The following CDC20B variants were observed in gnomAD, a reference collection of about 807,000 sequenced individuals.
The protein encoded by CDC20B is cell division cycle protein 20 homolog B.
A neutral mutation model predicts 64.1 loss-of-function variants in CDC20B; 58 were observed. The observed-to-expected ratio is 0.90, with a 90% CI of 0.73 to 1.13. CDC20B has a LOEUF of 1.13. CDC20B is among the 50% of genes most tolerant of loss of function. The pLI, the probability that CDC20B is intolerant of heterozygous loss-of-function variation, is 0.00. For synonymous variants in CDC20B, 243 were observed against 230.6 expected, an observed-to-expected ratio of 1.05 and a Z score of -0.49; for missense variants, 597 against 633.0, an observed-to-expected ratio of 0.94 and a Z score of 0.61.
intron 2 of CDC20B, among the ~76,000 whole-genome samples, chr5:55,151,431 A>G (rs1252268668): frequency 6.6e-6 from 1 of 152,200 alleles, no homozygotes; most frequent in Non-Finnish European, 1.5e-5. Flanking sequence ...TGGAAGATAA[A>G]CTTAGTTTGC....
intron 2 of CDC20B, among the ~76,000 whole-genome samples, chr5:55,162,943 C>G (rs1356146560): frequency 6.6e-6 from 1 of 152,160 alleles, no homozygotes; most frequent in Non-Finnish European, 1.5e-5. Context: ...AATCCTGGCT[C>G]AACCACTCAT....
chr5:55,149,097 T>C (rs573939010), intron 2 of CDC20B, among the ~76,000 whole-genome samples: 16 of 152,296 alleles, frequency 1.1e-4, no homozygotes, highest in South Asian at 2.1e-4. Context: ...AGGACATCTC[T>C]AAGAGGGACT....
chr5:55,137,464 G>A, intron 5 of CDC20B: 2 of 445,456 alleles, frequency 4.5e-6, no homozygotes, highest in Non-Finnish European at 9.1e-6. Context: ...TTGTCCCCGT[G>A]ATCCACTGAT....
At chr5:55,163,025 T>A (rs1744172508) in intron 2 of CDC20B, among the ~76,000 whole-genome samples, 1 of 152,092 alleles carries the variant, frequency 6.6e-6, no homozygotes, top group Non-Finnish European at 1.5e-5. Context: ...AATACCCACC[T>A]CATAGGGTCC....
intron 2 of CDC20B, among the ~76,000 whole-genome samples, chr5:55,153,531 ACTAGTAATAAATTTG>A (rs1743730248): frequency 6.6e-6 from 1 of 152,220 alleles, no homozygotes. Context: ...GAAGCAAGTA[ACTAGTAATAAATTTG>A]CTGCCAGTGT....
chr5:55,145,831 TCTTA>T (rs959456327), intron 3 of CDC20B, among the ~76,000 whole-genome samples: 1 of 151,716 alleles, frequency 6.6e-6, no homozygotes, highest in Non-Finnish European at 1.5e-5. Context: ...GCTTCCTTCC[TCTTA>T]CTTTCTCTTC....
At chr5:55,168,026 G>A (rs1335389353) in intron 2 of CDC20B, among the ~76,000 whole-genome samples, 3 of 152,028 alleles carry the variant, frequency 2.0e-5, no homozygotes, top group Admixed American at 6.6e-5. Context: ...AAAGAAAAAT[G>A]ACATGTTTGG....
intron 4 of CDC20B, among the ~76,000 whole-genome samples, 199 bp downstream of exon 4, chr5:55,143,314 T>G (rs1255500000): frequency 6.6e-6 from 1 of 152,192 alleles, no homozygotes; most frequent in African/African-American, 2.4e-5. Context: ...ACTCAACATT[T>G]TCTCATATAT....
At chr5:55,168,381 A>C (rs1744485393) in intron 2 of CDC20B, among the ~76,000 whole-genome samples, 1 of 150,258 alleles carries the variant, frequency 6.7e-6, no homozygotes, top group African/African-American at 2.4e-5. Flanking sequence ...CATCAGCAGA[A>C]CCTCCCTCCT....
intron 5 of CDC20B, among the ~76,000 whole-genome samples, chr5:55,134,350 G>C (rs553908214): frequency 6.6e-6 from 1 of 152,000 alleles, no homozygotes; most frequent in East Asian, 1.9e-4. Flanking sequence ...TCCTGCTTCC[G>C]TGTTAGCTAT....
chr5:55,128,718 C>G (rs1431846245), intron 6 of CDC20B, 101 bp from the exon 7 acceptor site: 1 of 790,972 alleles, frequency 1.3e-6, no homozygotes, highest in Non-Finnish European at 1.8e-6. Flanking sequence ...AATACCATCC[C>G]CATGGTTAGC....
Position 55,159,185 on chromosome 5 carries a change from TA to T in CDC20B, c.127-12330del, listed in dbSNP as rs1435197698. Among the ~76,000 whole-genome samples, 7 of 152,210 alleles carry T rather than the reference TA, an allele frequency of 4.6e-5. No homozygotes were observed. The East Asian group carries it at 1.4e-3, about 29-fold the overall frequency. On this transcript the variant is annotated intron_variant, in intron 2 of 11. Transcript: ENST00000381375. Reference sequence around the variant, plus strand: ...CCATGCACCACCACAACCAGCTAATTAAAATTCTTTTTTAGAGACAGGGGTA... The same window carrying T: ...CCATGCACCACCACAACCAGCTAATTAAATTCTTTTTTAGAGACAGGGGTA...
intron 6 of CDC20B, among the ~76,000 whole-genome samples, chr5:55,131,868 T>C (rs942942514): frequency 5.3e-5 from 8 of 151,980 alleles, no homozygotes; most frequent in Admixed American, 1.3e-4. Context: ...AGTTCGAGAC[T>C]AGCCTGGCCA....
At chr5:55,162,264 T>C (rs1744115238) in intron 2 of CDC20B, among the ~76,000 whole-genome samples, 1 of 151,950 alleles carries the variant, frequency 6.6e-6, no homozygotes, top group African/African-American at 2.4e-5. Context: ...GGTGTGGTGG[T>C]GGGCACCTGT....
chr5:55,129,383 CG>C (rs1012090643), intron 6 of CDC20B, among the ~76,000 whole-genome samples: 31 of 152,106 alleles, frequency 2.0e-4, no homozygotes, highest in Non-Finnish European at 3.1e-4. Flanking sequence ...AGCAAACTGG[CG>C]GGGGGTAAGT....
chr5:55,120,488 T>C lies in CDC20B; in HGVS notation c.1278A>G (p.Gly426=), dbSNP rs1742731031. The part of the protein sequence containing the change: ...VLAIGGGMKD[G]RLHILDINAG... ...CATTTATATCCAAGATGTGTAAGCG[T>C]CCATCCTTCATTCCTCCTCCAATGG... Residue 426 remains glycine, a synonymous_variant, in exon 10 of 12, where the codon GGA becomes GGG. Coordinates refer to ENST00000381375, the MANE Select transcript of CDC20B (RefSeq NM_001170402.1). 6.2e-7 allele frequency: 1 copy of C among 1,613,838 alleles called. No homozygotes were observed. Among genetic ancestry groups the C allele is most frequent in the South Asian group, 1.1e-5 (1 of 91,050 alleles).
intron 2 of CDC20B, among the ~76,000 whole-genome samples, chr5:55,172,014 C>T (rs1744614052): frequency 6.6e-6 from 1 of 152,194 alleles, no homozygotes; most frequent in Admixed American, 6.5e-5. Flanking sequence ...TAGAGAGAAG[C>T]ATGGTAAATG....
intron 4 of CDC20B, among the ~76,000 whole-genome samples, chr5:55,142,889 G>A (rs1425072602): frequency 1.3e-5 from 2 of 152,136 alleles, no homozygotes; most frequent in Non-Finnish European, 2.9e-5. Flanking sequence ...CAAAGCTTTC[G>A]AACTGAAATA....
In CDC20B at chr5:55,128,354, T is replaced by G; in HGVS notation, c.894+67A>C. 2.3e-6 allele frequency: 3 copies of G among 1,302,282 alleles called. No individual in the cohort carries two copies. In the South Asian group the frequency reaches 4.4e-5, roughly 19 times the overall value. 80.7% of individuals were successfully genotyped at this position (1,302,282 alleles called of 1,614,324 possible). A position where few individuals can be genotyped will look rare whatever the true frequency, so the allele number is the denominator to read the frequency against. Reference sequence around the variant, plus strand: ...TTCTCTATTTTACATTAACTTGTTATTAAAAGTCAATTATAGTGTAATAAT... The same window carrying G: ...TTCTCTATTTTACATTAACTTGTTAGTAAAAGTCAATTATAGTGTAATAAT... On this transcript the variant is annotated intron_variant, in intron 7 of 11. Transcript: ENST00000381375.
Sources: gnomAD v4.1 joint callset for allele counts (sites outside exome capture counted in the v4.1 genomes callset) on GRCh38, gnomAD v4.1.1 for gene constraint, MANE v1.5 for transcripts, NCBI Gene and HGNC (gene_info 2026-07-23, HGNC 2026-07-21) for gene names.